The following EML4 variants were observed in gnomAD, a reference collection of about 807,000 sequenced individuals.
EML4 encodes the protein EMAP like 4.
EML4 carries 72 observed loss-of-function variants against 129.0 expected under a neutral mutation model. The observed-to-expected ratio is 0.56, with a 90% CI of 0.46 to 0.68. The LOEUF is 0.68. EML4 is among the 30% of genes least tolerant of loss of function. The pLI is 0.00. For missense variants in EML4, 1,363 were observed against 1,190.6 expected (o/e 1.14, Z -2.13); for synonymous variants, 532 against 405.0 (o/e 1.31, Z -3.77).
intron 6 of EML4, among the ~76,000 whole-genome samples, chr2:42,266,939 T>A (rs1375021441): frequency 2.6e-5 from 4 of 152,170 alleles, no homozygotes; most frequent in African/African-American, 9.7e-5. Flanking sequence ...GAAAAGGAGT[T>A]TGGCTTTGGA....
chr2:42,173,026 A>G (rs538660284), intron 1 of EML4, among the ~76,000 whole-genome samples: 1 of 152,328 alleles, frequency 6.6e-6, no homozygotes, highest in East Asian at 1.9e-4. Flanking sequence ...TCTTCCCCCT[A>G]AGAAAAATCA....
At chr2:42,296,697 A>C (rs1667976210) in intron 13 of EML4, among the ~76,000 whole-genome samples, 1 of 152,152 alleles carries the variant, frequency 6.6e-6, no homozygotes. Context: ...TTTCATCTTA[A>C]CTTTGGGTGT....
intron 7 of EML4, 108 bp from the exon 8 acceptor site, chr2:42,282,715 G>C (rs1201374242): frequency 1.3e-5 from 13 of 994,758 alleles, no homozygotes; most frequent in Non-Finnish European, 1.9e-5. Flanking sequence ...TCTAGTTCTA[G>C]TTCAGTCTTC....
chr2:42,185,067 A>G lies in EML4; in HGVS notation c.25+15431A>G, dbSNP rs534022832. On this transcript the variant is annotated intron_variant, in intron 1 of 22. Coordinates refer to ENST00000318522, the MANE Select transcript of EML4 (RefSeq NM_019063.5). ...ACATCTGTGACATATTGGCAAAATC[A>G]TTGGTCCCGGAATAATATAATACCT... Among the ~76,000 whole-genome samples the G allele has an allele frequency of 1.6e-3, 242 of 152,200 alleles. 1 individual carries two copies. The highest frequency in any genetic ancestry group is 5.6e-3 in the African/African-American group (234 of 41,528).
At chr2:42,202,679 T>C (rs1311641800) in intron 1 of EML4, among the ~76,000 whole-genome samples, 2 of 152,148 alleles carry the variant, frequency 1.3e-5, no homozygotes, top group Non-Finnish European at 2.9e-5. Flanking sequence ...TGTTCTTTTG[T>C]CTGCTTTTAT....
intron 13 of EML4, among the ~76,000 whole-genome samples, chr2:42,297,295 C>T (rs1446927964): frequency 1.3e-5 from 2 of 152,154 alleles, no homozygotes; most frequent in Non-Finnish European, 2.9e-5. Flanking sequence ...TCTATTAAAA[C>T]AGTGACTTTT....
chr2:42,294,488 G>C (rs1371012104), intron 11 of EML4, among the ~76,000 whole-genome samples: 1 of 152,202 alleles, frequency 6.6e-6, no homozygotes, highest in East Asian at 1.9e-4. Context: ...TTGAGGTCAG[G>C]AGTTCGAGCC....
chr2:42,194,770 T>TA (rs1285642686), intron 1 of EML4, among the ~76,000 whole-genome samples: 1 of 151,992 alleles, frequency 6.6e-6, no homozygotes, highest in Non-Finnish European at 1.5e-5. Flanking sequence ...TCTCAGCTCC[T>TA]AAAGTGCTGG....
chr2:42,251,367 G>T (rs550117813), intron 2 of EML4, among the ~76,000 whole-genome samples: 11 of 152,298 alleles, frequency 7.2e-5, no homozygotes, highest in African/African-American at 2.6e-4. Flanking sequence ...CTGTATATTG[G>T]CAGGTGTTGC....
Position 42,263,170 on chromosome 2 carries a change from C to T in EML4, c.513-8C>T, listed in dbSNP as rs1665839048. 1 of 1,604,354 alleles carries T rather than the reference C, an allele frequency of 6.2e-7. No individual in the cohort carries two copies. The highest frequency in any genetic ancestry group is 1.3e-5 in the African/African-American group (1 of 74,180). ...AATTTTTCTCTAAGAAATTAATGTT[C>T]CTTCTAGCATAAAACGACCATCACC... On this transcript the variant is annotated splice_region_variant and splice_polypyrimidine_tract_variant and intron_variant, in intron 4 of 22. Transcript: ENST00000318522.
intron 1 of EML4, among the ~76,000 whole-genome samples, chr2:42,185,344 C>T (rs971930007): frequency 2.0e-5 from 3 of 152,224 alleles, no homozygotes; most frequent in Non-Finnish European, 2.9e-5. Flanking sequence ...CAGCCGTACT[C>T]ATTGACTTAG....
chr2:42,308,732 T>A (rs2103753474), intron 17 of EML4, among the ~76,000 whole-genome samples: 1 of 152,274 alleles, frequency 6.6e-6, no homozygotes, highest in South Asian at 2.1e-4. Context: ...TTAATAGTCA[T>A]TCCCCATGAC....
chr2:42,239,320 A>G (rs773628525), intron 1 of EML4, among the ~76,000 whole-genome samples: 5 of 152,266 alleles, frequency 3.3e-5, no homozygotes, highest in African/African-American at 4.8e-5. Flanking sequence ...TTGGATATTT[A>G]TAATGAAACA....
chr2:42,187,392 C>T (rs1346974963), intron 1 of EML4, among the ~76,000 whole-genome samples: 1 of 152,086 alleles, frequency 6.6e-6, no homozygotes, highest in East Asian at 1.9e-4. Context: ...ATCTTATAAT[C>T]TGTGGTCTTT....
At chr2:42,200,153 C>CAAAAAA (rs11421705) in intron 1 of EML4, among the ~76,000 whole-genome samples, 5 of 84,464 alleles carry the variant, frequency 5.9e-5, no homozygotes, top group East Asian at 3.0e-4. Context: ...ACTAAAAATA[C>CAAAAAA]AAAAAAAAAA....
At chr2:42,198,166 C>T (rs1672006061) in intron 1 of EML4, among the ~76,000 whole-genome samples, 1 of 152,086 alleles carries the variant, frequency 6.6e-6, no homozygotes, top group South Asian at 2.1e-4. Context: ...GTAGCTTGCT[C>T]CTACCAGAAC....
intron 8 of EML4, among the ~76,000 whole-genome samples, chr2:42,283,242 TG>T (rs1294358867): frequency 6.6e-6 from 1 of 152,250 alleles, no homozygotes. Context: ...TTCTCTTCTC[TG>T]GTCTGTAGTG....
chr2:42,332,323 A>C lies in EML4; in HGVS notation c.*2116A>C, dbSNP rs1451636023. On this transcript the variant is annotated 3_prime_UTR_variant, in exon 23 of 23. Transcript: ENST00000318522. Reference sequence around the variant, plus strand: ...CTAATACGCAGGAAGCGTTCCAGCTATTTAATGCTGGCAACTACTGTTTAA... The same window carrying C: ...CTAATACGCAGGAAGCGTTCCAGCTCTTTAATGCTGGCAACTACTGTTTAA... The C allele has an allele frequency of 4.7e-6, 1 of 210,834 alleles. No individual in the cohort carries two copies. Among genetic ancestry groups the C allele is most frequent in the Non-Finnish European group, 9.7e-6 (1 of 103,616 alleles). The allele number at this position is 210,834 out of a possible 1,614,324, so 13.1% of individuals were successfully genotyped here.
At chr2:42,212,744 G>T (rs148069603) in intron 1 of EML4, among the ~76,000 whole-genome samples, 2 of 152,148 alleles carry the variant, frequency 1.3e-5, no homozygotes, top group African/African-American at 4.8e-5. Flanking sequence ...ACATTTTCCA[G>T]TGTTTCTCCC....
Sources: allele counts gnomAD v4.1 joint callset (sites outside exome capture counted in the v4.1 genomes callset), GRCh38; gene constraint gnomAD v4.1.1; transcripts MANE v1.5; gene names NCBI Gene and HGNC (gene_info 2026-07-23, HGNC 2026-07-21).